NOB1: variants seen among roughly 807,000 people sequenced by gnomAD.
The protein encoded by NOB1 is NIN1 (RPN12) binding protein 1 homolog.
A neutral mutation model predicts 44.8 loss-of-function variants in NOB1; 44 were observed. That is an observed-to-expected ratio of 0.98 (90% CI 0.77 to 1.26). The LOEUF (loss-of-function observed/expected upper bound fraction) is 1.26, where lower values mean the gene tolerates loss of function less well. Among genes scored for constraint, NOB1 ranks in the 50% most tolerant of loss-of-function variants. The probability of loss-of-function intolerance (pLI) is 0.00; values close to 1 mark genes in which losing one functional copy is unlikely to be tolerated. For missense variants in NOB1, 560 were observed against 544.8 expected (o/e 1.03, Z -0.28); for synonymous variants, 238 against 218.7 (o/e 1.09, Z -0.78).
intron 7 of NOB1, among the ~76,000 whole-genome samples, chr16:69,747,186 A>ACTC (rs1391172416): frequency 1.4e-5 from 2 of 140,444 alleles, no homozygotes; most frequent in Non-Finnish European, 3.0e-5. Flanking sequence ...GTGCCACTGC[A>ACTC]CTCCAGCCTG....
At chr16:69,753,851 G>A (rs2038502375) in intron 2 of NOB1, among the ~76,000 whole-genome samples, 1 of 152,158 alleles carries the variant, frequency 6.6e-6, no homozygotes, top group Non-Finnish European at 1.5e-5. Context: ...CTGTCGCCCA[G>A]GCTGGAGTGC....
chr16:69,752,835 G>A (rs143968557), intron 2 of NOB1, among the ~76,000 whole-genome samples: 8,891 of 152,118 alleles, frequency 0.058, 292 homozygotes, highest in Middle Eastern at 0.11. Flanking sequence ...CTCAGGAGGC[G>A]GAGGCAGGAG....
At position 69,754,839 on chromosome 16, in the gene NOB1, T is replaced by C; in HGVS notation, c.63+9A>G. The C allele has an allele frequency of 1.2e-6, 2 of 1,602,522 alleles. No homozygotes were observed. Among genetic ancestry groups the C allele is most frequent in the Non-Finnish European group, 1.7e-6 (2 of 1,175,620 alleles). On this transcript the variant is annotated intron_variant, in intron 1 of 8. Transcript: ENST00000268802. Reference sequence around the variant, plus strand: ...AGATCTCTCTCGTCCCGGAGGGAGCTCCCCGTACCTGCAGAGCCGCATGCC... The same window carrying C: ...AGATCTCTCTCGTCCCGGAGGGAGCCCCCCGTACCTGCAGAGCCGCATGCC...
chr16:69,753,329 A>G (rs1367073414), intron 2 of NOB1, among the ~76,000 whole-genome samples: 1 of 152,260 alleles, frequency 6.6e-6, no homozygotes, highest in Non-Finnish European at 1.5e-5. Flanking sequence ...TGCTTAATGC[A>G]TAATACATGT....
chr16:69,742,576 C>T lies in NOB1; in HGVS notation c.995G>A (p.Gly332Asp). 1 of 1,614,106 alleles carries T rather than the reference C, an allele frequency of 6.2e-7. No homozygotes were observed. Among genetic ancestry groups the T allele is most frequent in the African/African-American group, 1.3e-5 (1 of 75,018 alleles). ...GAGATGGGGGTTGATGGCGTATTTG[C>T]CCCCTTTGGGAGTGGGAAGCGAGTA... ...LRYSLPTPKGGKYAINPHLTE... is the reference protein window; with the variant it reads ...LRYSLPTPKGDKYAINPHLTE... The change falls in exon 9 of 9, where the codon GGC (glycine) becomes GAC (aspartate). Residue 332 changes from glycine (G) to aspartate (D), a missense_variant. By Grantham distance (94) the Gly-to-Asp change is moderately conservative. Coordinates refer to ENST00000268802, the MANE Select transcript of NOB1 (RefSeq NM_014062.3).
Position 69,752,381 on chromosome 16 carries a change from A to G in NOB1, c.197-10T>C. On this transcript the variant is annotated splice_polypyrimidine_tract_variant and intron_variant, in intron 2 of 8. Coordinates refer to ENST00000268802, the MANE Select transcript of NOB1 (RefSeq NM_014062.3). ...TTTGAAAACTCAGTCACTGTAAACA[A>G]CAGATTTACATCTTCAGTTAGAGGT... is the stretch of plus-strand genomic sequence containing the variant. The G allele has an allele frequency of 6.2e-7, 1 of 1,610,040 alleles. No homozygotes were observed. Among genetic ancestry groups the G allele is most frequent in the Non-Finnish European group, 8.5e-7 (1 of 1,176,574 alleles).
chr16:69,748,799 G>A (rs1306075828), intron 6 of NOB1, 119 bp downstream of exon 6: 1 of 899,864 alleles, frequency 1.1e-6, no homozygotes, highest in Non-Finnish European at 1.6e-6. Context: ...TGGCACAGGT[G>A]GTTTCCAGAA....
intron 7 of NOB1, 59 bp downstream of exon 7, chr16:69,748,169 CAAAA>C (rs756154797): frequency 1.3e-5 from 17 of 1,320,208 alleles, no homozygotes; most frequent in East Asian, 1.2e-4. Flanking sequence ...TTTCTCAAAA[CAAAA>C]AAAGAAACAG....
At chr16:69,743,980 G>C (rs2038406948) in intron 8 of NOB1, among the ~76,000 whole-genome samples, 1 of 152,208 alleles carries the variant, frequency 6.6e-6, no homozygotes. Flanking sequence ...TGTATAAAGA[G>C]AAAGCAGACG....
rs2038415344 is a variant in NOB1, at chr16:69,744,831, T to G, written c.969+42A>C. Reference sequence around the variant, plus strand: ...TTTCTTTTGTCCTTTCTGTTCTTTTTCACTCTGGTGTTGGGAGGGGACTGG... The same window carrying G: ...TTTCTTTTGTCCTTTCTGTTCTTTTGCACTCTGGTGTTGGGAGGGGACTGG... On this transcript the variant is annotated intron_variant, in intron 8 of 8. Transcript: ENST00000268802. 1.9e-6 allele frequency: 3 copies of G among 1,598,680 alleles called. No homozygotes were observed. The South Asian group carries it at 3.4e-5, about 18-fold the overall frequency.
chr16:69,742,745 G>C (rs1422687315), intron 8 of NOB1, 144 bp from the exon 9 acceptor site: 2 of 786,942 alleles, frequency 2.5e-6, no homozygotes, highest in Non-Finnish European at 4.1e-6. Context: ...CATGTGCTAC[G>C]TGTGACATGC....
At chr16:69,748,194 CCA>C in intron 7 of NOB1, 36 bp downstream of exon 7, 1 of 1,482,554 alleles carries the variant, frequency 6.7e-7, no homozygotes, top group South Asian at 1.1e-5. Context: ...GAAGAGTGTT[CCA>C]CAGAGGGCAC....
In NOB1 at chr16:69,752,396, C is replaced by T; in HGVS notation, c.197-25G>A. The T allele has an allele frequency of 2.5e-6, 4 of 1,601,652 alleles. No homozygotes were observed. In the East Asian group the frequency reaches 6.7e-5, roughly 27 times the overall value. On this transcript the variant is annotated intron_variant, in intron 2 of 8. Coordinates refer to ENST00000268802, the MANE Select transcript of NOB1 (RefSeq NM_014062.3). The stretch of plus-strand genomic sequence containing the variant: ...ACTGTAAACAACAGATTTACATCTT[C>T]AGTTAGAGGTAAAAAGCCATATGAC...
At chr16:69,750,202 G>A (rs998650374) in intron 3 of NOB1, among the ~76,000 whole-genome samples, 5 of 151,558 alleles carry the variant, frequency 3.3e-5, no homozygotes, top group African/African-American at 4.8e-5. Flanking sequence ...ATGGGGTTTC[G>A]CCATGTTGGC....
Position 69,749,108 on chromosome 16 carries a change from C to A in NOB1, c.536G>T (p.Gly179Val). Residue 179 changes from glycine (G) to valine (V), a missense_variant, in exon 6 of 9, where the codon GGT (glycine) becomes GTT (valine). Coordinates refer to ENST00000268802, the MANE Select transcript of NOB1 (RefSeq NM_014062.3). ...CTCCTCCTCACTTGGAACGTCCTCACCTCTGTCAATCTGAAACATCAACAG... is the reference window on the plus strand; with the variant it reads ...CTCCTCCTCACTTGGAACGTCCTCAACTCTGTCAATCTGAAACATCAACAG... ...HELQELLIDR[G>V]EDVPSEEEEE... 6.2e-7 allele frequency: 1 copy of A among 1,614,246 alleles called. No individual in the cohort carries two copies. The highest frequency in any genetic ancestry group is 8.5e-7 in the Non-Finnish European group (1 of 1,180,048).
intron 3 of NOB1, among the ~76,000 whole-genome samples, chr16:69,751,691 TTTAA>T (rs1424034447): frequency 1.3e-5 from 2 of 152,344 alleles, no homozygotes; most frequent in Non-Finnish European, 2.9e-5. Context: ...CTTTAAAGTT[TTTAA>T]GAGTCTTGAT....
chr16:69,749,114 T>C lies in NOB1; in HGVS notation c.530A>G (p.Asp177Gly), dbSNP rs2038459681. Residue 177 changes from aspartate (D) to glycine (G), a missense_variant, in exon 6 of 9, where the codon GAC becomes GGC. Asp to Gly is a moderately conservative substitution (Grantham distance 94, BLOSUM62 -1). Transcript: ENST00000268802. Reference sequence around the variant, plus strand: ...CTCACTTGGAACGTCCTCACCTCTGTCAATCTGAAACATCAACAGACCTTT... The same window carrying C: ...CTCACTTGGAACGTCCTCACCTCTGCCAATCTGAAACATCAACAGACCTTT... Reference protein sequence around the residue: ...IDHELQELLIDRGEDVPSEEE... With the variant: ...IDHELQELLIGRGEDVPSEEE... 4 of 1,614,072 alleles carry C rather than the reference T, an allele frequency of 2.5e-6. No individual in the cohort carries two copies. The highest frequency in any genetic ancestry group is 3.4e-6 in the Non-Finnish European group (4 of 1,180,044).
intron 6 of NOB1, 94 bp downstream of exon 6, chr16:69,748,824 G>T: frequency 1.7e-6 from 2 of 1,155,092 alleles, no homozygotes; most frequent in Non-Finnish European, 1.2e-6. Flanking sequence ...GAAAAGAAGC[G>T]CTGCACAGCA....
chr16:69,749,274 C>G lies in NOB1; in HGVS notation c.464G>C (p.Ser155Thr). 2 of 1,613,228 alleles carry G rather than the reference C, an allele frequency of 1.2e-6. No individual in the cohort carries two copies. Among genetic ancestry groups the G allele is most frequent in the South Asian group, 2.2e-5 (2 of 90,808 alleles). ...SACEPENLEF[S>T]SFMFWRNPLP... is the part of the protein sequence containing the mutation. The stretch of plus-strand genomic sequence containing the variant: ...AGGGTTTCTCCAGAACATGAAGGAA[C>G]TAAATTCCAGGTTCTCAGGCTCACA... Residue 155 changes from serine (S) to threonine (T), a missense_variant, in exon 5 of 9, where the codon AGT (serine) becomes ACT (threonine). Ser to Thr is a moderately conservative substitution (Grantham distance 58, BLOSUM62 1). Transcript: ENST00000268802.
Sources: gnomAD v4.1 joint callset for allele counts (sites outside exome capture counted in the v4.1 genomes callset) on GRCh38, gnomAD v4.1.1 for gene constraint, MANE v1.5 for transcripts, NCBI Gene and HGNC (gene_info 2026-07-23, HGNC 2026-07-21) for gene names.